Variants in DENND5B observed in about 807,000 individuals in gnomAD.
The protein encoded by DENND5B is DENN domain containing 5B.
DENND5B carries 34 observed loss-of-function variants against 140.6 expected under a neutral mutation model. That is an observed-to-expected ratio of 0.24 (90% CI 0.18 to 0.32). The LOEUF (loss-of-function observed/expected upper bound fraction) is 0.32, where lower values mean the gene tolerates loss of function less well. DENND5B is among the 10% of genes least tolerant of loss of function. DENND5B has a pLI of 1.00. For missense variants in DENND5B, 1,142 were observed against 1,560.2 expected (o/e 0.73, Z 4.52); for synonymous variants, 551 against 562.1 (o/e 0.98, Z 0.28).
chr12:31,448,229 G>A (rs1016492987), intron 5 of DENND5B, among the ~76,000 whole-genome samples: 3 of 152,152 alleles, frequency 2.0e-5, no homozygotes, highest in East Asian at 1.9e-4. Flanking sequence ...CCGCCTCCCG[G>A]GTTCATGCCA....
At chr12:31,434,251 C>G (rs926892296) in intron 7 of DENND5B, among the ~76,000 whole-genome samples, 11 of 152,130 alleles carry the variant, frequency 7.2e-5, no homozygotes, top group African/African-American at 2.7e-4. Context: ...AAGACCTCTG[C>G]TTCATTCTCT....
chr12:31,583,959 G>A (rs1190256708), intron 1 of DENND5B, among the ~76,000 whole-genome samples: 2 of 152,154 alleles, frequency 1.3e-5, no homozygotes, highest in Non-Finnish European at 2.9e-5. Flanking sequence ...CATATGGCAC[G>A]TTTCCTAAAG....
Position 31,488,256 on chromosome 12 carries a change from T to C in DENND5B, c.237+7554A>G, listed in dbSNP as rs1397367932. Among the ~76,000 whole-genome samples, 3 of 152,010 alleles carry C rather than the reference T, an allele frequency of 2.0e-5. No individual in the cohort carries two copies. In the East Asian group the frequency reaches 5.8e-4, roughly 29 times the overall value. On this transcript the variant is annotated intron_variant, in intron 2 of 20. Transcript: ENST00000389082. ...TTCCCAAAGTGCTGGGATTACAGTG[T>C]GAGCCACAGTGCCTGGACTTCAGCT... is the stretch of plus-strand genomic sequence containing the variant.
At chr12:31,588,163 C>A (rs1341620391) in intron 1 of DENND5B, among the ~76,000 whole-genome samples, 1 of 152,190 alleles carries the variant, frequency 6.6e-6, no homozygotes, top group East Asian at 1.9e-4. Flanking sequence ...AGGGTCTTCG[C>A]ACTTGCTGTT....
chr12:31,438,380 T>C (rs1216384976), intron 7 of DENND5B, among the ~76,000 whole-genome samples: 1 of 152,232 alleles, frequency 6.6e-6, no homozygotes, highest in Admixed American at 6.5e-5. Flanking sequence ...CTAAGAATAC[T>C]TACTCTTTTT....
chr12:31,511,815 T>G (rs1271128), intron 1 of DENND5B, among the ~76,000 whole-genome samples: 1 of 151,854 alleles, frequency 6.6e-6, no homozygotes, highest in South Asian at 2.1e-4. Context: ...AATTTTTAAG[T>G]CACTTATTTA....
intron 2 of DENND5B, among the ~76,000 whole-genome samples, chr12:31,491,769 T>C (rs1223146198): frequency 1.3e-5 from 2 of 152,260 alleles, no homozygotes; most frequent in Non-Finnish European, 2.9e-5. Context: ...GTATTTATTT[T>C]CTATTTTATT....
intron 1 of DENND5B, among the ~76,000 whole-genome samples, chr12:31,530,368 A>G (rs889276575): frequency 2.0e-5 from 3 of 152,124 alleles, no homozygotes; most frequent in Non-Finnish European, 4.4e-5. Flanking sequence ...GCAAGACTCC[A>G]TCTCGAAAAA....
intron 1 of DENND5B, among the ~76,000 whole-genome samples, chr12:31,573,370 T>A (rs142096471): frequency 1.1e-3 from 170 of 152,306 alleles, no homozygotes; most frequent in African/African-American, 3.9e-3. Flanking sequence ...CCTCAAAGAC[T>A]GATGTTCAGA....
In DENND5B at chr12:31,398,369, G is replaced by A. The variant is rs758905846; in HGVS notation, c.3069-7C>T. On this transcript the variant is annotated splice_polypyrimidine_tract_variant and splice_region_variant and intron_variant, in intron 16 of 20. Transcript: ENST00000389082. ...CCACCGCCCACATGGGAATCTGGTA[G>A]GACAGAAAACAAGTTTTTTATTTTT... 1.3e-6 allele frequency: 2 copies of A among 1,526,486 alleles called. No individual in the cohort carries two copies. The highest frequency in any genetic ancestry group is 1.2e-5 in the South Asian group (1 of 80,132). 94.6% of individuals were successfully genotyped at this position (1,526,486 alleles called of 1,614,324 possible).
At chr12:31,500,631 G>C in intron 1 of DENND5B, 1 of 150,926 alleles carries the variant, frequency 6.6e-6, no homozygotes, top group South Asian at 1.3e-4. Flanking sequence ...AGTGATCTGA[G>C]ATCATGCCAC....
chr12:31,494,221 T>TCCCTAC (rs1946675591), intron 2 of DENND5B, among the ~76,000 whole-genome samples: 1 of 106,496 alleles, frequency 9.4e-6, no homozygotes, highest in Admixed American at 1.0e-4. Context: ...CCTACCTACC[T>TCCCTAC]CTACCTACCT....
chr12:31,452,516 GA>G, intron 4 of DENND5B, 40 bp from the exon 5 acceptor site: 1 of 1,539,576 alleles, frequency 6.5e-7, no homozygotes. Flanking sequence ...TAAAATAAAG[GA>G]ATTGTATGTG....
chr12:31,454,813 T>C (rs1282513104), intron 4 of DENND5B, among the ~76,000 whole-genome samples: 3 of 34,702 alleles, frequency 8.6e-5, no homozygotes, highest in African/African-American at 4.9e-4. Context: ...ATTCAGTATC[T>C]TTTTTTTTTT....
In DENND5B at chr12:31,590,985, C is replaced by T; in HGVS notation, c.-153G>A. 1.1e-6 allele frequency: 1 copy of T among 874,224 alleles called. No individual in the cohort carries two copies. Among genetic ancestry groups the T allele is most frequent in the East Asian group, 8.3e-5 (1 of 12,036 alleles). The allele number at this position is 874,224 out of a possible 1,614,324, so 54.2% of individuals were successfully genotyped here. ...CGCAGCCGCCTCTCGCCGCCGCAGC[C>T]TGCCTCCTCGCTCGGCGCGGGGGAA... On this transcript the variant is annotated 5_prime_UTR_variant, in exon 1 of 21. Coordinates refer to ENST00000389082, the MANE Select transcript of DENND5B (RefSeq NM_144973.4).
At chr12:31,549,671 A>G (rs1444997914) in intron 1 of DENND5B, among the ~76,000 whole-genome samples, 3 of 151,976 alleles carry the variant, frequency 2.0e-5, no homozygotes, top group African/African-American at 7.3e-5. Context: ...GTATGCACTA[A>G]ATATATTTTT....
chr12:31,404,357 C>G (rs1392715385), intron 14 of DENND5B, among the ~76,000 whole-genome samples: 1 of 152,230 alleles, frequency 6.6e-6, no homozygotes, highest in Non-Finnish European at 1.5e-5. Context: ...AGTGCAGCAG[C>G]CCAATCAGTG....
At position 31,471,729 on chromosome 12, in the gene DENND5B, G is replaced by A. The variant is rs185192929; in HGVS notation, c.904+7860C>T. Among the ~76,000 whole-genome samples, 331 of 152,190 alleles carry A rather than the reference G, an allele frequency of 2.2e-3. 3 individuals are homozygous for A. Among genetic ancestry groups the A allele is most frequent in the Middle Eastern group, 3.4e-3 (1 of 294 alleles). ...TATCTTTATTTTTAAATGCTGCAGC[G>A]TGGAAGAACATGCTTGGGTTGACAC... is the stretch of plus-strand genomic sequence containing the variant. On this transcript the variant is annotated intron_variant, in intron 3 of 20. Coordinates refer to ENST00000389082, the MANE Select transcript of DENND5B (RefSeq NM_144973.4).
chr12:31,450,155 C>T (rs1392675748), intron 5 of DENND5B, among the ~76,000 whole-genome samples: 4 of 152,140 alleles, frequency 2.6e-5, no homozygotes, highest in South Asian at 2.1e-4. Context: ...TTTTCTCAAA[C>T]GTAAGTGCAT....
Sources: allele counts gnomAD v4.1 joint callset (sites outside exome capture counted in the v4.1 genomes callset), GRCh38; gene constraint gnomAD v4.1.1; transcripts MANE v1.5; gene names NCBI Gene and HGNC (gene_info 2026-07-23, HGNC 2026-07-21).